Variants in BMAL2 observed in about 807,000 individuals in gnomAD.
BMAL2 encodes basic helix-loop-helix ARNT like 2.
At chr12:27,376,393 A>G in the BMAL2 span, 6 of 1,613,508 alleles carry the variant, frequency 3.7e-6, no homozygotes, top group East Asian at 2.2e-5. Context: ...TTCAGGTACA[A>G]TTGACTTGTT....
chr12:27,361,254 C>T, the BMAL2 span, among the ~76,000 whole-genome samples: 5 of 152,040 alleles, frequency 3.3e-5, no homozygotes, highest in Non-Finnish European at 7.4e-5. Context: ...GCTCATTTCC[C>T]GTAATTTATT....
the BMAL2 span, among the ~76,000 whole-genome samples, chr12:27,349,095 T>C: frequency 6.6e-6 from 1 of 152,112 alleles, no homozygotes; most frequent in East Asian, 1.9e-4. Flanking sequence ...ATCAGAGTCA[T>C]GGGGGAACCT....
chr12:27,333,262 C>A, the BMAL2 span: 1 of 726,458 alleles, frequency 1.4e-6, no homozygotes, highest in Non-Finnish European at 1.8e-6. Flanking sequence ...GGCGGTGGGA[C>A]AAGGCCGCCC....
chr12:27,365,125 G>T, the BMAL2 span, among the ~76,000 whole-genome samples: 2 of 151,568 alleles, frequency 1.3e-5, no homozygotes, highest in African/African-American at 4.8e-5. Context: ...CCTTTTTCTT[G>T]CCTTACCCTA....
the BMAL2 span, among the ~76,000 whole-genome samples, chr12:27,378,699 A>T: frequency 6.6e-6 from 1 of 152,162 alleles, no homozygotes; most frequent in East Asian, 1.9e-4. Flanking sequence ...ATGCAAGGGG[A>T]TTAGGTGACT....
the BMAL2 span, among the ~76,000 whole-genome samples, chr12:27,380,784 C>T: frequency 2.6e-5 from 4 of 151,656 alleles, no homozygotes; most frequent in African/African-American, 7.3e-5. Context: ...CTGAGGTGGG[C>T]GGATGGCTTG....
chr12:27,418,071 T>C, the BMAL2 span: 1 of 1,537,178 alleles, frequency 6.5e-7, no homozygotes, highest in Non-Finnish European at 9.0e-7. Flanking sequence ...TGTTTGTTAC[T>C]CTGGCTGTCT....
chr12:27,402,824 G>A, the BMAL2 span: 4 of 649,288 alleles, frequency 6.2e-6, no homozygotes, highest in Non-Finnish European at 1.0e-5. Flanking sequence ...CCCAACTTTG[G>A]TTTAGAAGAG....
chr12:27,332,977 G>A, the BMAL2 span: 1 of 1,034,648 alleles, frequency 9.7e-7, no homozygotes, highest in Non-Finnish European at 1.2e-6. Flanking sequence ...CCGCTTCCCT[G>A]CTCCAGAGCC....
At chr12:27,407,874 A>G in the BMAL2 span, among the ~76,000 whole-genome samples, 9 of 152,312 alleles carry the variant, frequency 5.9e-5, no homozygotes, top group African/African-American at 1.9e-4. Flanking sequence ...AAAAGAGAGA[A>G]GAATCAAATA....
chr12:27,387,464 G>T, the BMAL2 span: 4 of 623,928 alleles, frequency 6.4e-6, no homozygotes, highest in Non-Finnish European at 8.4e-6. Context: ...GAGATGGAAA[G>T]CTGTGTGGAA....
chr12:27,345,528 G>T, the BMAL2 span, among the ~76,000 whole-genome samples: 69,215 of 151,860 alleles, frequency 0.46, 15,982 homozygotes, highest in Admixed American at 0.52. Flanking sequence ...GTTCACTCTT[G>T]CCCAGGCTGG....
chr12:27,347,167 T>C, the BMAL2 span, among the ~76,000 whole-genome samples: 1 of 152,220 alleles, frequency 6.6e-6, no homozygotes, highest in Admixed American at 6.5e-5. Context: ...CTAGGTGGAC[T>C]AAGTGTAGCT....
At chr12:27,399,258 T>A in the BMAL2 span, among the ~76,000 whole-genome samples, 9 of 152,242 alleles carry the variant, frequency 5.9e-5, no homozygotes, top group Non-Finnish European at 1.3e-4. Context: ...CAGTTCTCAC[T>A]GGTCATTCCC....
the BMAL2 span, among the ~76,000 whole-genome samples, chr12:27,395,832 A>G: frequency 9.8e-5 from 15 of 152,360 alleles, no homozygotes; most frequent in South Asian, 3.1e-3. Context: ...CTAATGTTCC[A>G]GGTTCTCCCA....
the BMAL2 span, among the ~76,000 whole-genome samples, chr12:27,420,088 G>A: frequency 1.3e-5 from 2 of 151,234 alleles, no homozygotes; most frequent in Non-Finnish European, 2.9e-5. Context: ...CCAGCTCTCT[G>A]AGAGTCTGTA....
At chr12:27,387,624 T>G in the BMAL2 span, among the ~76,000 whole-genome samples, 1 of 152,230 alleles carries the variant, frequency 6.6e-6, no homozygotes, top group Non-Finnish European at 1.5e-5. Context: ...GTGTCATATT[T>G]AAGAGTGTCT....
the BMAL2 span, chr12:27,387,400 A>C: frequency 3.2e-6 from 3 of 933,646 alleles, no homozygotes; most frequent in East Asian, 7.2e-5. Flanking sequence ...TTTTCTGAAC[A>C]CCTTCTCCCC....
At chr12:27,401,457 T>TATC in the BMAL2 span, 1 of 1,540,230 alleles carries the variant, frequency 6.5e-7, no homozygotes, top group Non-Finnish European at 8.9e-7. Flanking sequence ...AAGTTTGAAT[T>TATC]AATCTTCACA....
Sources: allele counts gnomAD v4.1 joint callset (sites outside exome capture counted in the v4.1 genomes callset), GRCh38; gene constraint gnomAD v4.1.1; transcripts MANE v1.5; gene names NCBI Gene and HGNC (gene_info 2026-07-23, HGNC 2026-07-21).